The following RGS6 variants were observed in gnomAD, a reference collection of about 807,000 sequenced individuals.
RGS6 encodes the protein regulator of G-protein signaling 6.
In RGS6, 30 loss-of-function variants were observed where a neutral mutation model predicts 78.5. That is an observed-to-expected ratio of 0.38 (90% CI 0.29 to 0.52). The LOEUF (loss-of-function observed/expected upper bound fraction) is 0.52. Ranked by LOEUF, RGS6 falls within the 20% of genes least tolerant of loss-of-function variation. RGS6 has a pLI of 0.85. For missense variants in RGS6, 495 were observed against 609.7 expected, an observed-to-expected ratio of 0.81 and a Z score of 1.98; for synonymous variants, 206 against 206.0, an observed-to-expected ratio of 1.00 and a Z score of 0.00.
chr14:72,117,044 C>G (rs1329795615), intron 2 of RGS6, among the ~76,000 whole-genome samples: 1 of 151,548 alleles, frequency 6.6e-6, no homozygotes, highest in African/African-American at 2.4e-5. Context: ...TGAGGAAGCC[C>G]TTGCCGAGGA....
At chr14:72,567,075 C>A (rs1002962213), downstream of RGS6, among the ~76,000 whole-genome samples, 2 of 152,190 alleles carry the variant, frequency 1.3e-5, no homozygotes, top group African/African-American at 4.8e-5. Context: ...TGCTAGTGTA[C>A]TGCAATCCCT....
At chr14:71,878,447 G>T in the RGS6 span, among the ~76,000 whole-genome samples, 1 of 152,196 alleles carries the variant, frequency 6.6e-6, no homozygotes, top group African/African-American at 2.4e-5. Context: ...TGTGCTAGTG[G>T]TGGGCAAGGC....
Position 72,465,622 on chromosome 14 carries a change from GTGGATGGATGGATGGATGGA to G in RGS6, c.395-116_395-97del, listed in dbSNP as rs551039934. 2.2e-5 allele frequency: 8 copies of G among 355,630 alleles called. No homozygotes were observed. In the East Asian group the frequency reaches 4.1e-4, roughly 18 times the overall value. The allele number at this position is 355,630 out of a possible 1,614,324, so 22.0% of individuals were successfully genotyped here. A position where few individuals can be genotyped will look rare whatever the true frequency, so the allele number is the denominator to read the frequency against. ...GATGGTTGGGTGGATGGGTGGATGGGTGGATGGATGGATGGATGGATGGATGGATGGATGGATGGGTGAAT... is the reference window on the plus strand; with the variant it reads ...GATGGTTGGGTGGATGGGTGGATGGGTGGATGGATGGATGGATGGGTGAAT... On this transcript the variant is annotated intron_variant, in intron 6 of 17. Coordinates refer to ENST00000553525, the MANE Select transcript of RGS6 (RefSeq NM_001204424.2).
the RGS6 span, among the ~76,000 whole-genome samples, chr14:72,600,643 C>G: frequency 1.3e-5 from 2 of 152,034 alleles, no homozygotes; most frequent in African/African-American, 4.8e-5. Flanking sequence ...CAGCCATGGT[C>G]TAGAGAAAGG....
chr14:72,383,524 G>A (rs771461734), intron 3 of RGS6, among the ~76,000 whole-genome samples: 6 of 151,954 alleles, frequency 3.9e-5, no homozygotes, highest in South Asian at 2.1e-4. Context: ...ATTCGGCTGC[G>A]CTCTAGTTAT....
Position 72,223,210 on chromosome 14 carries a change from C to T in RGS6, c.85-128885C>T, listed in dbSNP as rs537796477. Among the ~76,000 whole-genome samples the T allele has an allele frequency of 8.5e-4, 129 of 152,282 alleles. 1 individual carries two copies. Among genetic ancestry groups the T allele is most frequent in the African/African-American group, 3.0e-3 (124 of 41,542 alleles). Reference sequence around the variant, plus strand: ...AAAGAAAAACTTTAAGATATTCTTCCCAGGTTTTAATAACACAACCTGGCA... The same window carrying T: ...AAAGAAAAACTTTAAGATATTCTTCTCAGGTTTTAATAACACAACCTGGCA... On this transcript the variant is annotated intron_variant, in intron 2 of 17. Coordinates refer to ENST00000553525, the MANE Select transcript of RGS6 (RefSeq NM_001204424.2).
At chr14:72,317,028 C>G (rs541331451) in intron 2 of RGS6, among the ~76,000 whole-genome samples, 4 of 152,000 alleles carry the variant, frequency 2.6e-5, no homozygotes, top group African/African-American at 9.6e-5. Context: ...TGATCACTTA[C>G]AGCAATTACA....
At chr14:72,282,000 A>T (rs189127697) in intron 2 of RGS6, among the ~76,000 whole-genome samples, 3 of 152,348 alleles carry the variant, frequency 2.0e-5, no homozygotes, top group African/African-American at 7.2e-5. Context: ...TGTGGCTGCT[A>T]TAAAACTATC....
At chr14:72,420,077 TGAAA>T (rs1252325688) in intron 3 of RGS6, among the ~76,000 whole-genome samples, 1 of 152,124 alleles carries the variant, frequency 6.6e-6, no homozygotes, top group African/African-American at 2.4e-5. Context: ...AATTTACAGA[TGAAA>T]GAAGAAAGAA....
chr14:72,125,650 G>A (rs538466983), intron 2 of RGS6, among the ~76,000 whole-genome samples: 2 of 152,228 alleles, frequency 1.3e-5, no homozygotes, highest in South Asian at 4.2e-4. Context: ...GGGGAAAGGT[G>A]ATTGGAGGTG....
intron 2 of RGS6, among the ~76,000 whole-genome samples, chr14:72,178,822 A>G (rs1203162509): frequency 1.3e-5 from 2 of 152,202 alleles, no homozygotes; most frequent in Non-Finnish European, 2.9e-5. Flanking sequence ...AGGTCTTCCT[A>G]ATTTCTATAA....
intron 2 of RGS6, among the ~76,000 whole-genome samples, chr14:72,036,702 C>T (rs906153896): frequency 1.3e-5 from 2 of 152,022 alleles, no homozygotes; most frequent in Non-Finnish European, 2.9e-5. Flanking sequence ...TTTTGAGAGT[C>T]CTTAATATAT....
intron 2 of RGS6, among the ~76,000 whole-genome samples, chr14:72,239,456 G>C (rs968416863): frequency 1.3e-5 from 2 of 152,112 alleles, no homozygotes; most frequent in Non-Finnish European, 2.9e-5. Flanking sequence ...TGGTGCCCTT[G>C]GACTGGCTGC....
intron 3 of RGS6, among the ~76,000 whole-genome samples, chr14:72,366,295 C>T (rs764046120): frequency 6.6e-6 from 1 of 152,002 alleles, no homozygotes; most frequent in East Asian, 1.9e-4. Context: ...CCTGTGGGTT[C>T]GAAATGTTGG....
chr14:71,950,897 A>G (rs1048298209), intron 1 of RGS6, among the ~76,000 whole-genome samples: 1 of 152,194 alleles, frequency 6.6e-6, no homozygotes, highest in African/African-American at 2.4e-5. Context: ...ATTATTAAAA[A>G]TTCAAGAAAC....
intron 2 of RGS6, among the ~76,000 whole-genome samples, chr14:72,187,556 G>A (rs2097263762): frequency 6.6e-6 from 1 of 152,120 alleles, no homozygotes; most frequent in Admixed American, 6.6e-5. Context: ...CAGAGAAGCA[G>A]GGGACAGGCT....
chr14:72,181,380 C>A (rs1425963117), intron 2 of RGS6, among the ~76,000 whole-genome samples: 1 of 152,230 alleles, frequency 6.6e-6, no homozygotes, highest in African/African-American at 2.4e-5. Flanking sequence ...AAGCCAAAGT[C>A]TTCCTGATCA....
chr14:72,125,081 G>A (rs2096154922), intron 2 of RGS6, among the ~76,000 whole-genome samples: 1 of 152,164 alleles, frequency 6.6e-6, no homozygotes, highest in Non-Finnish European at 1.5e-5. Context: ...CCAGATGCTT[G>A]TAATAGAATT....
At chr14:72,438,667 A>G (rs191076329) in intron 3 of RGS6, among the ~76,000 whole-genome samples, 1 of 152,300 alleles carries the variant, frequency 6.6e-6, no homozygotes, top group Admixed American at 6.5e-5. Flanking sequence ...TGATTTCACC[A>G]TATCACCTGT....
Sources: allele counts gnomAD v4.1 joint callset (sites outside exome capture counted in the v4.1 genomes callset), GRCh38; gene constraint gnomAD v4.1.1; transcripts MANE v1.5; gene names NCBI Gene and HGNC (gene_info 2026-07-23, HGNC 2026-07-21).